Variants in JAKMIP3 observed in about 807,000 individuals in gnomAD.
The protein encoded by JAKMIP3 is Janus kinase and microtubule interacting protein 3.
JAKMIP3 carries 58 observed loss-of-function variants against 118.5 expected under a neutral mutation model. The ratio of observed to expected loss-of-function variants is 0.49; its 90% CI spans 0.40 to 0.61. JAKMIP3 has a LOEUF of 0.61. JAKMIP3 is among the 20% of genes least tolerant of loss of function. The probability of loss-of-function intolerance (pLI) is 0.00; values close to 1 mark genes in which losing one functional copy is unlikely to be tolerated. For missense variants in JAKMIP3, 950 were observed against 1,109.0 expected (o/e 0.86, Z 2.04); for synonymous variants, 486 against 451.2 (o/e 1.08, Z -0.98).
intron 1 of JAKMIP3, among the ~76,000 whole-genome samples, chr10:132,058,314 G>C (rs1236654442): frequency 1.3e-5 from 2 of 152,234 alleles, no homozygotes; most frequent in Admixed American, 6.5e-5. Context: ...GGTTCACAGG[G>C]CTCTGGAAGT....
chr10:132,150,993 CTCCATCT>C (rs1296039144), intron 16 of JAKMIP3, among the ~76,000 whole-genome samples: 3 of 152,052 alleles, frequency 2.0e-5, no homozygotes, highest in Non-Finnish European at 2.9e-5. Flanking sequence ...ATTCTCCATC[CTCCATCT>C]GTCCTCTATC....
intron 6 of JAKMIP3, among the ~76,000 whole-genome samples, chr10:132,136,769 A>G (rs575675304): frequency 1.3e-5 from 2 of 152,270 alleles, no homozygotes; most frequent in Admixed American, 6.5e-5. Flanking sequence ...GCTTTCTGGG[A>G]GACCCGCAGG....
intron 1 of JAKMIP3, among the ~76,000 whole-genome samples, chr10:132,067,535 C>T (rs1483249998): frequency 1.3e-5 from 2 of 152,258 alleles, no homozygotes; most frequent in African/African-American, 2.4e-5. Flanking sequence ...GGATCGAGCT[C>T]CTCCAAGAGA....
chr10:132,056,592 C>T (rs1279997702), intron 1 of JAKMIP3, among the ~76,000 whole-genome samples: 1 of 152,210 alleles, frequency 6.6e-6, no homozygotes, highest in Non-Finnish European at 1.5e-5. Context: ...CCACGAGGGC[C>T]ATCGGACTTG....
chr10:132,104,934 G>A lies in JAKMIP3; in HGVS notation c.126G>A (p.Glu42=). The change falls in exon 2 of 24, where the codon GAG becomes GAA. Residue 42 remains glutamate (E), a synonymous_variant. Transcript: ENST00000684848. ...LTDIQIELQQ[E]KSKVSKVERE... ...ACATCCAGATCGAGCTGCAGCAGGA[G>A]AAGAGCAAGGTGGGCGCTCCCCAGA... The A allele has an allele frequency of 1.3e-6, 2 of 1,590,986 alleles. No individual in the cohort carries two copies. The highest frequency in any genetic ancestry group is 8.6e-7 in the Non-Finnish European group (1 of 1,168,876).
intron 1 of JAKMIP3, among the ~76,000 whole-genome samples, chr10:132,047,675 C>A (rs1469075941): frequency 1.9e-5 from 1 of 53,646 alleles, no homozygotes; most frequent in Non-Finnish European, 3.8e-5. Flanking sequence ...TGTGTCCCCA[C>A]CCTCCCGTCC....
intron 1 of JAKMIP3, among the ~76,000 whole-genome samples, chr10:132,083,676 A>G (rs1271941754): frequency 2.0e-5 from 3 of 152,308 alleles, no homozygotes; most frequent in Non-Finnish European, 4.4e-5. Context: ...TCTTAGATTT[A>G]AGTCCTTAAT....
chr10:132,156,074 C>T (rs1013422864), intron 19 of JAKMIP3, among the ~76,000 whole-genome samples: 3 of 152,272 alleles, frequency 2.0e-5, no homozygotes, highest in Middle Eastern at 3.4e-3. Context: ...AGAGGCCCCT[C>T]AGTGCCCCAG....
intron 1 of JAKMIP3, among the ~76,000 whole-genome samples, chr10:132,046,598 C>T (rs767185510): frequency 7.2e-4 from 109 of 152,320 alleles, no homozygotes; most frequent in African/African-American, 2.3e-3. Flanking sequence ...TGTGCGCATC[C>T]GCCACGGCTT....
At chr10:132,110,831 G>A (rs1210138405) in intron 2 of JAKMIP3, among the ~76,000 whole-genome samples, 1 of 152,368 alleles carries the variant, frequency 6.6e-6, no homozygotes, top group East Asian at 1.9e-4. Context: ...GGGAACCGCA[G>A]GGGCGTGAAC....
At chr10:132,110,963 G>C (rs1388761631) in intron 2 of JAKMIP3, among the ~76,000 whole-genome samples, 1 of 152,254 alleles carries the variant, frequency 6.6e-6, no homozygotes. Context: ...GCTCTGGTCT[G>C]GGCACAGCAG....
At chr10:132,059,025 A>T (rs2038321954) in intron 1 of JAKMIP3, among the ~76,000 whole-genome samples, 1 of 152,096 alleles carries the variant, frequency 6.6e-6, no homozygotes, top group African/African-American at 2.4e-5. Flanking sequence ...CAGTGGTTGG[A>T]GCCGTCGGAT....
chr10:132,132,512 T>C (rs1188189070), intron 3 of JAKMIP3, among the ~76,000 whole-genome samples: 2 of 152,158 alleles, frequency 1.3e-5, no homozygotes, highest in African/African-American at 2.4e-5. Flanking sequence ...AAGGAAGGAC[T>C]TCTTCCCTTC....
chr10:132,070,295 C>G (rs370640081), intron 1 of JAKMIP3, among the ~76,000 whole-genome samples: 4 of 152,124 alleles, frequency 2.6e-5, no homozygotes, highest in African/African-American at 9.7e-5. Context: ...TTACAGGTGT[C>G]CGCCACCACA....
rs1299965004 is a variant in JAKMIP3 at position 132,117,159 on chromosome 10, C to G, written c.218C>G (p.Thr73Arg). ...HEQHKTAVLLTELKTKLHEEK... is the reference protein window; with the variant it reads ...HEQHKTAVLLRELKTKLHEEK... The stretch of plus-strand genomic sequence containing the variant: ...CAGCATAAGACCGCGGTCTTGCTCA[C>G]GGAGCTCAAGACAAAGCTGCACGAG... Residue 73 changes from threonine to arginine, a missense_variant, in exon 3 of 24, where the codon ACG becomes AGG. Thr to Arg is a moderately conservative substitution (Grantham distance 71). Transcript: ENST00000684848. The surrounding 1 kb of genome is among the most constrained non-coding windows in gnomAD (Gnocchi z 8.6). The G allele has an allele frequency of 1.3e-5, 21 of 1,613,698 alleles. No homozygotes were observed. The highest frequency in any genetic ancestry group is 1.7e-5 in the Non-Finnish European group (20 of 1,179,896).
At chr10:132,155,468 A>G (rs2056978281) in intron 19 of JAKMIP3, among the ~76,000 whole-genome samples, 1 of 152,200 alleles carries the variant, frequency 6.6e-6, no homozygotes, top group African/African-American at 2.4e-5. Context: ...TGAGTTCCTC[A>G]CACAGAGGGG....
At chr10:132,116,793 T>C (rs1161264769) in intron 2 of JAKMIP3, among the ~76,000 whole-genome samples, 2 of 138,100 alleles carry the variant, frequency 1.4e-5, no homozygotes, top group Non-Finnish European at 3.1e-5. Context: ...CATTCAGGTG[T>C]GAGTGTGTGC....
intron 11 of JAKMIP3, among the ~76,000 whole-genome samples, 181 bp downstream of exon 11, chr10:132,142,229 G>T (rs1009395216): frequency 6.6e-6 from 1 of 152,246 alleles, no homozygotes. Flanking sequence ...TGGGGATCCC[G>T]GTGCTGGGAG....
chr10:132,184,030 G>A lies in JAKMIP3; in HGVS notation c.*2777G>A, dbSNP rs1297351711. Reference sequence around the variant, plus strand: ...CACCCCCTAATAAGGCAAGAGGAAGGACCCTGAAATGTTGCCAGAAATGTA... The same window carrying A: ...CACCCCCTAATAAGGCAAGAGGAAGAACCCTGAAATGTTGCCAGAAATGTA... On this transcript the variant is annotated 3_prime_UTR_variant, in exon 24 of 24. Coordinates refer to ENST00000684848, the MANE Select transcript of JAKMIP3 (RefSeq NM_001323087.2). 1 of 152,194 alleles carries A rather than the reference G, an allele frequency of 6.6e-6. No homozygotes were observed. The highest frequency in any genetic ancestry group is 1.5e-5 in the Non-Finnish European group (1 of 68,036). 9.4% of individuals were successfully genotyped at this position (152,194 alleles called of 1,614,324 possible).
Sources: allele counts gnomAD v4.1 joint callset (sites outside exome capture counted in the v4.1 genomes callset), GRCh38; gene constraint gnomAD v4.1.1; non-coding constraint Gnocchi (gnomAD v3.1); transcripts MANE v1.5; gene names NCBI Gene and HGNC (gene_info 2026-07-23, HGNC 2026-07-21).